Variants in HCN1 observed in about 807,000 individuals in gnomAD.
The protein encoded by HCN1 is hyperpolarization activated cyclic nucleotide gated potassium channel 1.
In HCN1, 13 loss-of-function variants were observed where a neutral mutation model predicts 78.9. The ratio of observed to expected loss-of-function variants is 0.16; its 90% CI spans 0.11 to 0.26. The LOEUF is 0.26. Among genes scored for constraint, HCN1 ranks in the 10% least tolerant of loss-of-function variants. The pLI is 1.00. For synonymous variants in HCN1, 552 were observed against 455.5 expected (o/e 1.21, Z -2.70); for missense variants, 810 against 1,154.3 (o/e 0.70, Z 4.32).
chr5:45,542,992 A>T (rs527576430), intron 2 of HCN1, among the ~76,000 whole-genome samples: 1 of 152,192 alleles, frequency 6.6e-6, no homozygotes, highest in African/African-American at 2.4e-5. Flanking sequence ...GTATGACAAC[A>T]TTTTTAACCA....
chr5:45,634,219 C>T (rs1045582867), intron 2 of HCN1, among the ~76,000 whole-genome samples: 1 of 151,938 alleles, frequency 6.6e-6, no homozygotes, highest in Non-Finnish European at 1.5e-5. Context: ...GATTGTGACA[C>T]TCACATTCAT....
chr5:45,471,552 T>C (rs1029833356), intron 2 of HCN1, among the ~76,000 whole-genome samples: 1 of 151,934 alleles, frequency 6.6e-6, no homozygotes, highest in African/African-American at 2.4e-5. Flanking sequence ...TTTTGTTTTA[T>C]AGATGTATTC....
intron 2 of HCN1, among the ~76,000 whole-genome samples, chr5:45,504,093 A>T (rs1030990381): frequency 3.3e-5 from 5 of 151,916 alleles, no homozygotes; most frequent in Non-Finnish European, 7.4e-5. Context: ...ACCACATTTT[A>T]TTATTATTCT....
At chr5:45,576,789 T>C (rs1743956337) in intron 2 of HCN1, among the ~76,000 whole-genome samples, 1 of 152,094 alleles carries the variant, frequency 6.6e-6, no homozygotes, top group Non-Finnish European at 1.5e-5. Flanking sequence ...TTAACTTTAT[T>C]CTGGTGTTCT....
chr5:45,372,137 A>AATTATATATTACATATATAAT (rs1561127996), intron 4 of HCN1, among the ~76,000 whole-genome samples: 6 of 54,298 alleles, frequency 1.1e-4, no homozygotes, highest in Non-Finnish European at 1.7e-4. Flanking sequence ...TATATAATAT[A>AATTATATATTACATATATAAT]ATAATATATT....
intron 2 of HCN1, among the ~76,000 whole-genome samples, chr5:45,597,614 A>G (rs1388577747): frequency 1.3e-5 from 2 of 152,154 alleles, no homozygotes; most frequent in Non-Finnish European, 2.9e-5. Context: ...AATTAGGAAA[A>G]CAGGAAGTCA....
chr5:45,690,644 A>G (rs1354269974), intron 1 of HCN1, among the ~76,000 whole-genome samples: 3 of 152,102 alleles, frequency 2.0e-5, no homozygotes, highest in Non-Finnish European at 2.9e-5. Flanking sequence ...AATTATTTTT[A>G]GAAGAAAAGT....
At chr5:45,424,117 T>TA (rs1413435097) in intron 3 of HCN1, among the ~76,000 whole-genome samples, 17,446 of 48,722 alleles carry the variant, frequency 0.36, 1,610 homozygotes, top group African/African-American at 0.45. Flanking sequence ...CTACTAAAAA[T>TA]CCAAAAAAAA....
rs536924774 is a variant in HCN1, at chr5:45,349,859, C to A, written c.1377+3241G>T. Among the ~76,000 whole-genome samples the A allele has an allele frequency of 5.3e-3, 808 of 152,206 alleles. 6 individuals carry two copies. Among genetic ancestry groups the A allele is most frequent in the Non-Finnish European group, 8.2e-3 (557 of 68,002 alleles). ...AATCTCTGAATAGACCAGTAACAGGCTCTGAAATTGTGGCAATAATCAATA... is the reference window on the plus strand; with the variant it reads ...AATCTCTGAATAGACCAGTAACAGGATCTGAAATTGTGGCAATAATCAATA... On this transcript the variant is annotated intron_variant, in intron 5 of 7. Transcript: ENST00000303230.
At chr5:45,685,489 G>A (rs35304078) in intron 1 of HCN1, among the ~76,000 whole-genome samples, 40,821 of 152,046 alleles carry the variant, frequency 0.27, 5,575 homozygotes, top group East Asian at 0.32. Flanking sequence ...CGAGCCGGGC[G>A]GATCACCCAA....
At chr5:45,285,115 G>T (rs113277652) in intron 6 of HCN1, among the ~76,000 whole-genome samples, 3 of 151,932 alleles carry the variant, frequency 2.0e-5, no homozygotes, top group East Asian at 1.9e-4. Flanking sequence ...AGCAGAAGTA[G>T]CTCCATATAA....
chr5:45,487,099 C>A (rs1741784353), intron 2 of HCN1, among the ~76,000 whole-genome samples: 1 of 151,982 alleles, frequency 6.6e-6, no homozygotes, highest in African/African-American at 2.4e-5. Flanking sequence ...AAGGATACAG[C>A]AAAACTTTGA....
chr5:45,520,434 T>G (rs1742593737), intron 2 of HCN1, among the ~76,000 whole-genome samples: 1 of 152,060 alleles, frequency 6.6e-6, no homozygotes, highest in African/African-American at 2.4e-5. Context: ...CACTGATTTA[T>G]GCAACTTGTC....
chr5:45,650,041 A>G (rs1406457719), intron 1 of HCN1, among the ~76,000 whole-genome samples: 1 of 152,114 alleles, frequency 6.6e-6, no homozygotes, highest in Non-Finnish European at 1.5e-5. Context: ...ATGTTTTTAC[A>G]TATCATATAT....
chr5:45,414,499 A>T (rs1474866653), intron 3 of HCN1, among the ~76,000 whole-genome samples: 1 of 152,008 alleles, frequency 6.6e-6, no homozygotes, highest in East Asian at 1.9e-4. Context: ...TGCTGCTGAT[A>T]AAACATGTTT....
Position 45,352,483 on chromosome 5 carries a change from C to T in HCN1, c.1377+617G>A, listed in dbSNP as rs370393712. Among the ~76,000 whole-genome samples, 13 of 151,840 alleles carry T rather than the reference C, an allele frequency of 8.6e-5. No individual in the cohort carries two copies. The East Asian group carries it at 2.1e-3, about 25-fold the overall frequency. ...CGCACATGTATACATATGTAAGTAA[C>T]GTGCGCATTGTGCACATGTACCCTA... On this transcript the variant is annotated intron_variant, in intron 5 of 7. Coordinates refer to ENST00000303230, the MANE Select transcript of HCN1 (RefSeq NM_021072.4).
chr5:45,379,481 T>G (rs1422445712), intron 4 of HCN1, among the ~76,000 whole-genome samples: 1 of 127,330 alleles, frequency 7.9e-6, no homozygotes, highest in Non-Finnish European at 1.5e-5. Flanking sequence ...GTAAAGGAAA[T>G]AAAACACAAA....
chr5:45,639,355 T>C (rs1278386034), intron 2 of HCN1, among the ~76,000 whole-genome samples: 3 of 152,182 alleles, frequency 2.0e-5, no homozygotes, highest in Admixed American at 1.3e-4. Flanking sequence ...TTCAGAAAGA[T>C]GTCATCATAT....
intron 4 of HCN1, among the ~76,000 whole-genome samples, chr5:45,353,729 G>A (rs1250521033): frequency 6.6e-6 from 1 of 151,918 alleles, no homozygotes; most frequent in Non-Finnish European, 1.5e-5. Flanking sequence ...GAGCTTGGCA[G>A]GTATTTGCAG....
Sources: allele counts gnomAD v4.1 joint callset (sites outside exome capture counted in the v4.1 genomes callset), GRCh38; gene constraint gnomAD v4.1.1; transcripts MANE v1.5; gene names NCBI Gene and HGNC (gene_info 2026-07-23, HGNC 2026-07-21).